RALYL: variants seen among roughly 807,000 people sequenced by gnomAD.
The protein encoded by RALYL is RNA-binding Raly-like protein.
A neutral mutation model predicts 35.1 loss-of-function variants in RALYL; 29 were observed. That is an observed-to-expected ratio of 0.83 (90% CI 0.61 to 1.13). The LOEUF (loss-of-function observed/expected upper bound fraction) is 1.13. RALYL is among the 50% of genes most tolerant of loss of function. The probability of loss-of-function intolerance (pLI) is 0.00; values close to 1 mark genes in which losing one functional copy is unlikely to be tolerated. For synonymous variants in RALYL, 120 were observed against 127.6 expected, an observed-to-expected ratio of 0.94 and a Z score of 0.40; for missense variants, 359 against 360.4, an observed-to-expected ratio of 1.00 and a Z score of 0.03.
At chr8:84,842,446 T>C (rs1221660459) in intron 4 of RALYL, among the ~76,000 whole-genome samples, 1 of 152,082 alleles carries the variant, frequency 6.6e-6, no homozygotes, top group Non-Finnish European at 1.5e-5. Flanking sequence ...AATAGACCAA[T>C]AACAGGCTCT....
At chr8:84,277,354 A>G (rs1246284817) in intron 1 of RALYL, among the ~76,000 whole-genome samples, 3 of 152,156 alleles carry the variant, frequency 2.0e-5, no homozygotes, top group African/African-American at 7.2e-5. Flanking sequence ...AACTGCCCCC[A>G]TGATTGAATT....
At chr8:84,190,631 G>A (rs1233508509) in intron 1 of RALYL, among the ~76,000 whole-genome samples, 1 of 152,214 alleles carries the variant, frequency 6.6e-6, no homozygotes. Flanking sequence ...CAAAACAAGA[G>A]AAAGTAGTAT....
chr8:84,667,557 A>G (rs1832334522), intron 2 of RALYL, among the ~76,000 whole-genome samples: 1 of 152,132 alleles, frequency 6.6e-6, no homozygotes, highest in African/African-American at 2.4e-5. Context: ...GTACTTGAAT[A>G]TCAGTTAAAG....
At chr8:84,578,365 A>G (rs1809994700) in intron 2 of RALYL, among the ~76,000 whole-genome samples, 1 of 152,194 alleles carries the variant, frequency 6.6e-6, no homozygotes, top group South Asian at 2.1e-4. Flanking sequence ...TGGCTCAGGG[A>G]TCACCTAGGT....
chr8:84,550,533 G>C (rs942513287), intron 2 of RALYL, among the ~76,000 whole-genome samples: 1 of 151,644 alleles, frequency 6.6e-6, no homozygotes. Context: ...GAAAAGTGAA[G>C]CTGAAAAATT....
chr8:84,296,432 C>T (rs1443903828), intron 1 of RALYL, among the ~76,000 whole-genome samples: 1 of 151,994 alleles, frequency 6.6e-6, no homozygotes. Context: ...ACACATCTTT[C>T]CTAGGTCTGT....
intron 1 of RALYL, among the ~76,000 whole-genome samples, chr8:84,360,962 GAAAAAAA>G (rs61694143): frequency 4.1e-5 from 4 of 98,304 alleles, no homozygotes; most frequent in Admixed American, 3.1e-4. Context: ...ATGCAGTAAA[GAAAAAAA>G]AAAAAAAAGA....
At chr8:84,820,069 G>T (rs547842339) in intron 4 of RALYL, among the ~76,000 whole-genome samples, 2 of 152,094 alleles carry the variant, frequency 1.3e-5, no homozygotes, top group African/African-American at 4.8e-5. Flanking sequence ...GAGAGAACCT[G>T]TTCAATCATT....
At chr8:84,520,919 C>T (rs1031685501) in intron 1 of RALYL, among the ~76,000 whole-genome samples, 1 of 152,152 alleles carries the variant, frequency 6.6e-6, no homozygotes, top group Admixed American at 6.5e-5. Context: ...CACGAGCCCT[C>T]ACAGAATAAA....
chr8:84,605,359 C>T (rs1171730865), intron 2 of RALYL, among the ~76,000 whole-genome samples: 1 of 152,024 alleles, frequency 6.6e-6, no homozygotes, highest in Non-Finnish European at 1.5e-5. Context: ...CTATTCTAAG[C>T]AATCCACAAA....
Position 84,269,637 on chromosome 8 carries a change from AG to A in RALYL, c.-24+85214del, listed in dbSNP as rs555578120. 7.6e-4 allele frequency among the ~76,000 whole-genome samples: 116 copies of A among 152,300 alleles called. 4 individuals carry two copies. In the South Asian group the frequency reaches 0.022, roughly 29 times the overall value. On this transcript the variant is annotated intron_variant, in intron 1 of 8. Coordinates refer to ENST00000521268, the MANE Select transcript of RALYL (RefSeq NM_173848.7). Reference sequence around the variant, plus strand: ...ATTTTCAATGGCTGAGAAATATCAAAGTGGCTTCAGTAATGTATGTAATGTG... The same window carrying A: ...ATTTTCAATGGCTGAGAAATATCAAATGGCTTCAGTAATGTATGTAATGTG...
At chr8:84,721,378 A>C (rs1843878947) in intron 2 of RALYL, among the ~76,000 whole-genome samples, 2 of 152,170 alleles carry the variant, frequency 1.3e-5, no homozygotes, top group Admixed American at 1.3e-4. Flanking sequence ...AAGATATGGA[A>C]TCAACTCAGT....
chr8:84,272,737 T>C (rs1372800211), intron 1 of RALYL, among the ~76,000 whole-genome samples: 1 of 152,228 alleles, frequency 6.6e-6, no homozygotes, highest in Non-Finnish European at 1.5e-5. Context: ...TCAGCCTGTA[T>C]GAATGGCTCA....
intron 1 of RALYL, among the ~76,000 whole-genome samples, chr8:84,238,213 A>G (rs979869057): frequency 6.6e-6 from 1 of 152,096 alleles, no homozygotes. Context: ...AGACAGTACG[A>G]CATTCATTAA....
At chr8:84,531,329 G>A (rs371778468) in intron 2 of RALYL, among the ~76,000 whole-genome samples, 3 of 152,178 alleles carry the variant, frequency 2.0e-5, no homozygotes, top group East Asian at 1.9e-4. Flanking sequence ...GAATAGTCTT[G>A]AGGGAAAAAA....
chr8:84,834,486 G>T lies in RALYL; in HGVS notation c.366-15494G>T, dbSNP rs192451381. Among the ~76,000 whole-genome samples, 9 of 152,250 alleles carry T rather than the reference G, an allele frequency of 5.9e-5. No individual in the cohort carries two copies. In the East Asian group the frequency reaches 1.4e-3, roughly 23 times the overall value. ...GCTGAGATGCCCATGGTTATCACTG[G>T]GCCTCTGATAAGCTGCTGGTAGCTG... On this transcript the variant is annotated intron_variant, in intron 4 of 8. Transcript: ENST00000521268.
At chr8:84,258,498 G>C (rs2131774809) in intron 1 of RALYL, among the ~76,000 whole-genome samples, 1 of 151,926 alleles carries the variant, frequency 6.6e-6, no homozygotes, top group South Asian at 2.1e-4. Context: ...CTCACAAGTG[G>C]CTTCTACAAC....
chr8:84,189,045 G>A (rs1813216587), intron 1 of RALYL, among the ~76,000 whole-genome samples: 1 of 152,142 alleles, frequency 6.6e-6, no homozygotes, highest in Non-Finnish European at 1.5e-5. Context: ...GAGGACTTGA[G>A]TTAGTATTTA....
intron 7 of RALYL, among the ~76,000 whole-genome samples, chr8:84,885,410 A>G (rs1338714162): frequency 6.6e-6 from 1 of 152,146 alleles, no homozygotes; most frequent in Non-Finnish European, 1.5e-5. Flanking sequence ...TATAGTCTTC[A>G]TAGGACTTTC....
Sources: allele counts gnomAD v4.1 joint callset (sites outside exome capture counted in the v4.1 genomes callset), GRCh38; gene constraint gnomAD v4.1.1; transcripts MANE v1.5; gene names NCBI Gene and HGNC (gene_info 2026-07-23, HGNC 2026-07-21).